Variants in EPC2 observed in about 807,000 individuals in gnomAD.
EPC2 encodes enhancer of polycomb 2, also known as enhancer of polycomb homolog 2.
In EPC2, 14 loss-of-function variants were observed where a neutral mutation model predicts 92.1. The ratio of observed to expected loss-of-function variants is 0.15; its 90% CI spans 0.10 to 0.24. The LOEUF (loss-of-function observed/expected upper bound fraction) is 0.24, where lower values mean the gene tolerates loss of function less well. Ranked by LOEUF, EPC2 falls within the 10% of genes least tolerant of loss-of-function variation. The probability of loss-of-function intolerance (pLI) is 1.00; values close to 1 mark genes in which losing one functional copy is unlikely to be tolerated. For synonymous variants in EPC2, 340 were observed against 334.7 expected (o/e 1.02, Z -0.17); for missense variants, 755 against 971.5 (o/e 0.78, Z 2.96).
chr2:148,734,757 T>C (rs565278447), intron 2 of EPC2, among the ~76,000 whole-genome samples: 37 of 152,168 alleles, frequency 2.4e-4, no homozygotes, highest in Middle Eastern at 3.4e-3. Flanking sequence ...AGGAATGTTA[T>C]GTAAGTGAAA....
intron 1 of EPC2, among the ~76,000 whole-genome samples, chr2:148,675,857 G>A (rs1681252444): frequency 6.6e-6 from 1 of 152,148 alleles, no homozygotes; most frequent in African/African-American, 2.4e-5. Flanking sequence ...TCTTTAGTTG[G>A]GAGTTTTAAA....
intron 2 of EPC2, among the ~76,000 whole-genome samples, chr2:148,715,194 C>T (rs764204802): frequency 5.9e-5 from 9 of 151,942 alleles, no homozygotes; most frequent in Admixed American, 3.3e-4. Flanking sequence ...CCACCGCACC[C>T]GGCTACTTCT....
chr2:148,744,989 G>GCCCCCCCCCCCCCC (rs34269450), intron 3 of EPC2, among the ~76,000 whole-genome samples: 14 of 46,296 alleles, frequency 3.0e-4, no homozygotes, highest in Non-Finnish European at 5.4e-4. Context: ...CTATCAGTTT[G>GCCCCCCCCCCCCCC]CCCCCCCCCC....
chr2:148,774,771 A>G (rs1683593592), intron 10 of EPC2, among the ~76,000 whole-genome samples: 1 of 151,550 alleles, frequency 6.6e-6, no homozygotes, highest in African/African-American at 2.4e-5. Context: ...AAGTAAAATA[A>G]AGGTATATTC....
chr2:148,669,491 A>G (rs1574571193), intron 1 of EPC2, among the ~76,000 whole-genome samples: 1 of 152,172 alleles, frequency 6.6e-6, no homozygotes, highest in East Asian at 1.9e-4. Flanking sequence ...AGACTGGGCA[A>G]CATGGCAAGA....
chr2:148,746,854 A>G (rs1682994775), intron 3 of EPC2, among the ~76,000 whole-genome samples: 1 of 152,048 alleles, frequency 6.6e-6, no homozygotes, highest in Non-Finnish European at 1.5e-5. Context: ...GCTTAAATGC[A>G]CACAAATGTT....
intron 2 of EPC2, chr2:148,692,217 A>G (rs866982382): frequency 4.6e-5 from 8 of 172,972 alleles, no homozygotes; most frequent in South Asian, 3.8e-4. Flanking sequence ...TAACTCCCTT[A>G]TGAAAGCCAC....
intron 2 of EPC2, among the ~76,000 whole-genome samples, chr2:148,723,687 G>T (rs943127105): frequency 7.2e-5 from 11 of 152,284 alleles, no homozygotes; most frequent in African/African-American, 2.4e-4. Flanking sequence ...CTGGAAACCA[G>T]AAGTCTTACT....
At chr2:148,760,889 A>T (rs562920706) in intron 4 of EPC2, among the ~76,000 whole-genome samples, 12 of 152,152 alleles carry the variant, frequency 7.9e-5, no homozygotes, top group Non-Finnish European at 1.2e-4. Flanking sequence ...GTCATTTCAG[A>T]TTATTAAATC....
intron 2 of EPC2, among the ~76,000 whole-genome samples, chr2:148,722,050 G>A (rs901393483): frequency 4.0e-5 from 6 of 151,858 alleles, no homozygotes; most frequent in African/African-American, 1.5e-4. Flanking sequence ...TCTGATGTTT[G>A]CTTAGCTGCT....
At chr2:148,645,424 C>G (rs954131088) in intron 1 of EPC2, 3 of 419,534 alleles carry the variant, frequency 7.2e-6, no homozygotes, top group Non-Finnish European at 1.3e-5. Context: ...GGGGGCCTTG[C>G]CGTAAGCGGC....
At chr2:148,717,084 C>A (rs1241220021) in intron 2 of EPC2, among the ~76,000 whole-genome samples, 2 of 151,774 alleles carry the variant, frequency 1.3e-5, no homozygotes, top group Non-Finnish European at 2.9e-5. Context: ...GTGGTGATAT[C>A]CCCCTTATCA....
chr2:148,713,621 C>G (rs1682199073), intron 2 of EPC2, among the ~76,000 whole-genome samples: 1 of 152,088 alleles, frequency 6.6e-6, no homozygotes, highest in Admixed American at 6.5e-5. Flanking sequence ...ACTTGCCATC[C>G]TATAAGCTAT....
At chr2:148,741,717 T>C (rs1163598170) in intron 2 of EPC2, among the ~76,000 whole-genome samples, 1 of 152,190 alleles carries the variant, frequency 6.6e-6, no homozygotes, top group African/African-American at 2.4e-5. Context: ...TGTCATGTAA[T>C]TTCAACACAT....
intron 2 of EPC2, among the ~76,000 whole-genome samples, chr2:148,693,070 A>C (rs993727410): frequency 2.0e-5 from 3 of 152,086 alleles, no homozygotes; most frequent in Admixed American, 6.5e-5. Flanking sequence ...ATATTTCACA[A>C]TTTGCTTATT....
At chr2:148,698,081 A>G (rs537678714) in intron 2 of EPC2, among the ~76,000 whole-genome samples, 1 of 152,104 alleles carries the variant, frequency 6.6e-6, no homozygotes, top group Non-Finnish European at 1.5e-5. Flanking sequence ...ATGGTTTTAG[A>G]GGAGGCTAAA....
At chr2:148,733,453 CCTTTCTCTTTT>C (rs1453067555) in intron 2 of EPC2, among the ~76,000 whole-genome samples, 1 of 123,796 alleles carries the variant, frequency 8.1e-6, no homozygotes, top group African/African-American at 3.0e-5. Context: ...TTTATTATTA[CCTTTCTCTTTT>C]CTTTCTCTCT....
At position 148,661,068 on chromosome 2, in the gene EPC2, T is replaced by C. The variant is rs564435179; in HGVS notation, c.153+15898T>C. 2.0e-5 allele frequency among the ~76,000 whole-genome samples: 3 copies of C among 152,264 alleles called. No homozygotes were observed. In the East Asian group the frequency reaches 5.8e-4, roughly 29 times the overall value. On this transcript the variant is annotated intron_variant, in intron 1 of 13. Coordinates refer to ENST00000258484, the MANE Select transcript of EPC2 (RefSeq NM_015630.4). Reference sequence around the variant, plus strand: ...GGCAATTGTTTCTTATTTTTTCATATGAACTTTATCATTGTTTTGTCTAAC... The same window carrying C: ...GGCAATTGTTTCTTATTTTTTCATACGAACTTTATCATTGTTTTGTCTAAC...
At chr2:148,731,747 A>G (rs921552847) in intron 2 of EPC2, among the ~76,000 whole-genome samples, 3 of 152,212 alleles carry the variant, frequency 2.0e-5, no homozygotes, top group Non-Finnish European at 2.9e-5. Flanking sequence ...ATAAACATGG[A>G]TATTGCTTCT....
Sources: gnomAD v4.1 joint callset for allele counts (sites outside exome capture counted in the v4.1 genomes callset) on GRCh38, gnomAD v4.1.1 for gene constraint, MANE v1.5 for transcripts, NCBI Gene and HGNC (gene_info 2026-07-23, HGNC 2026-07-21) for gene names.